DSCAML1: variants seen among roughly 807,000 people sequenced by gnomAD.
DSCAML1 encodes the protein DS cell adhesion molecule like 1.
DSCAML1 carries 38 observed loss-of-function variants against 200.5 expected under a neutral mutation model. That is an observed-to-expected ratio of 0.19 (90% CI 0.15 to 0.25). The LOEUF is 0.25. Ranked by LOEUF, DSCAML1 falls within the 10% of genes least tolerant of loss-of-function variation. DSCAML1 has a pLI of 1.00. For missense variants in DSCAML1, 2,223 were observed against 2,858.8 expected (o/e 0.78, Z 5.07); for synonymous variants, 1,215 against 1,165.0 (o/e 1.04, Z -0.87).
chr11:117,459,029 T>A, intron 18 of DSCAML1, 120 bp from the exon 19 acceptor site: 3 of 1,273,430 alleles, frequency 2.4e-6, no homozygotes, highest in Non-Finnish European at 3.3e-6. Flanking sequence ...GACTCCATGG[T>A]GGCGAGGACT....
chr11:117,634,424 C>A (rs1409062293), intron 3 of DSCAML1, among the ~76,000 whole-genome samples: 1 of 152,156 alleles, frequency 6.6e-6, no homozygotes, highest in African/African-American at 2.4e-5. Context: ...CTGTGTTCCC[C>A]CTTCTGTCTG....
At chr11:117,556,537 C>G (rs561164656) in intron 3 of DSCAML1, among the ~76,000 whole-genome samples, 1 of 115,058 alleles carries the variant, frequency 8.7e-6, no homozygotes, top group East Asian at 2.0e-4. Flanking sequence ...TTCTCTCACC[C>G]TGCTAGTGGG....
At chr11:117,501,208 C>A (rs1429595531) in intron 11 of DSCAML1, among the ~76,000 whole-genome samples, 1 of 151,934 alleles carries the variant, frequency 6.6e-6, no homozygotes, top group Non-Finnish European at 1.5e-5. Context: ...AAAGAGCAGG[C>A]AAGGAGAGAG....
At chr11:117,768,103 G>A (rs1282666667) in intron 3 of DSCAML1, among the ~76,000 whole-genome samples, 1 of 152,134 alleles carries the variant, frequency 6.6e-6, no homozygotes, top group East Asian at 1.9e-4. Flanking sequence ...TGTATCATTT[G>A]AGAGACAATA....
chr11:117,456,544 A>G (rs2048372027), intron 19 of DSCAML1, among the ~76,000 whole-genome samples: 1 of 152,120 alleles, frequency 6.6e-6, no homozygotes, highest in Admixed American at 6.5e-5. Context: ...CCTCCCTCAC[A>G]GGGCTCTTGG....
rs777487217 is a variant in DSCAML1, at chr11:117,428,787, C to T, written c.5703G>A (p.Leu1901=). The change falls in exon 33 of 33, where the codon CTG becomes CTA. Residue 1901 remains leucine (L), a synonymous_variant. Coordinates refer to ENST00000651296, the MANE Select transcript of DSCAML1 (RefSeq NM_020693.4). The part of the protein sequence containing the change: ...HRANKSDYCN[L]PLYAKSEAFF... ...AGGCCTCTGACTTGGCATACAGGGG[C>T]AGGTTGCAGTAGTCACCTGGAATCA... is the stretch of plus-strand genomic sequence containing the variant. 3.7e-6 allele frequency: 6 copies of T among 1,604,676 alleles called. No homozygotes were observed. The South Asian group carries it at 4.5e-5, about 12-fold the overall frequency.
intron 3 of DSCAML1, among the ~76,000 whole-genome samples, chr11:117,679,310 G>A (rs999980318): frequency 8.5e-5 from 13 of 152,210 alleles, no homozygotes; most frequent in African/African-American, 2.9e-4. Flanking sequence ...CAGCTGGTGC[G>A]GCGGTCGGAG....
At chr11:117,439,018 G>A in intron 23 of DSCAML1, 35 bp from the exon 24 acceptor site, 1 of 1,568,910 alleles carries the variant, frequency 6.4e-7, no homozygotes, top group Non-Finnish European at 8.6e-7. Context: ...TTAGCACAAG[G>A]GCGGACCCTG....
At chr11:117,438,148 A>G (rs1444131838) in intron 24 of DSCAML1, 65 bp from the exon 25 acceptor site, 3 of 1,489,032 alleles carry the variant, frequency 2.0e-6, no homozygotes, top group African/African-American at 2.8e-5. Context: ...GCCCAGCCTC[A>G]GGTACCCCAA....
chr11:117,490,897 A>G (rs2049169145), intron 11 of DSCAML1, among the ~76,000 whole-genome samples: 1 of 152,226 alleles, frequency 6.6e-6, no homozygotes, highest in African/African-American at 2.4e-5. Context: ...TAGCAGGGCC[A>G]GGAGGCCAGT....
At chr11:117,555,379 A>G (rs549887920) in intron 3 of DSCAML1, among the ~76,000 whole-genome samples, 1 of 152,258 alleles carries the variant, frequency 6.6e-6, no homozygotes, top group Admixed American at 6.5e-5. Flanking sequence ...GGGGCTCAGG[A>G]TCTGCGGAGG....
chr11:117,654,313 G>T (rs550893063), intron 3 of DSCAML1, among the ~76,000 whole-genome samples: 1 of 152,128 alleles, frequency 6.6e-6, no homozygotes, highest in Non-Finnish European at 1.5e-5. Flanking sequence ...AAAGATCACC[G>T]AACTGTGCCT....
chr11:117,578,623 T>C (rs139815198), intron 3 of DSCAML1, among the ~76,000 whole-genome samples: 42 of 152,272 alleles, frequency 2.8e-4, no homozygotes, highest in African/African-American at 1.0e-3. Flanking sequence ...TGAGCTATGA[T>C]GGCACCACTG....
At chr11:117,670,838 G>A (rs567125789) in intron 3 of DSCAML1, among the ~76,000 whole-genome samples, 1 of 152,154 alleles carries the variant, frequency 6.6e-6, no homozygotes, top group Non-Finnish European at 1.5e-5. Flanking sequence ...GTCCCCGAGG[G>A]TCATTTTGCT....
At chr11:117,519,114 T>C (rs2049838528) in intron 6 of DSCAML1, among the ~76,000 whole-genome samples, 1 of 152,228 alleles carries the variant, frequency 6.6e-6, no homozygotes, top group Non-Finnish European at 1.5e-5. Context: ...AATTAATACA[T>C]TTCAGAGGCT....
In DSCAML1 at chr11:117,469,805, T is replaced by G; in HGVS notation, c.3024+105A>C. 2.0e-6 allele frequency: 2 copies of G among 1,008,632 alleles called. No individual in the cohort carries two copies. Among genetic ancestry groups the G allele is most frequent in the Non-Finnish European group, 2.8e-6 (2 of 721,080 alleles). 62.5% of individuals were successfully genotyped at this position (1,008,632 alleles called of 1,614,324 possible). A position where few individuals can be genotyped will look rare whatever the true frequency, so the allele number is the denominator to read the frequency against. ...TTTAGTGACAAAACAGACATGGGCATCATATAAGACTAGAGACTAGCAAGC... is the reference window on the plus strand; with the variant it reads ...TTTAGTGACAAAACAGACATGGGCAGCATATAAGACTAGAGACTAGCAAGC... On this transcript the variant is annotated intron_variant, in intron 16 of 32. Transcript: ENST00000651296. This position sits in a 1 kb window ranked among gnomAD's most constrained non-coding sequence, Gnocchi z 4.1.
At chr11:117,797,327 CGAGCCCG>C, upstream of DSCAML1, 1 of 1,275,358 alleles carries the variant, frequency 7.8e-7, no homozygotes, top group Non-Finnish European at 9.9e-7. Flanking sequence ...GAGCGCCGCG[CGAGCCCG>C]GAGCCCAGAC....
At chr11:117,697,962 G>C (rs2053612229) in intron 3 of DSCAML1, among the ~76,000 whole-genome samples, 1 of 152,036 alleles carries the variant, frequency 6.6e-6, no homozygotes, top group Admixed American at 6.6e-5. Context: ...AGTAGATACG[G>C]GGTTTCACCA....
intron 3 of DSCAML1, among the ~76,000 whole-genome samples, chr11:117,660,885 A>G (rs566110648): frequency 2.0e-5 from 3 of 152,324 alleles, no homozygotes; most frequent in Admixed American, 2.0e-4. Flanking sequence ...CTGCCCCTCA[A>G]TATCTTCCTA....
Sources: gnomAD v4.1 joint callset for allele counts (sites outside exome capture counted in the v4.1 genomes callset) on GRCh38, gnomAD v4.1.1 for gene constraint, Gnocchi (gnomAD v3.1) non-coding constraint, MANE v1.5 for transcripts, NCBI Gene and HGNC (gene_info 2026-07-23, HGNC 2026-07-21) for gene names.